The following SCN10A variants were observed in gnomAD, a reference collection of about 807,000 sequenced individuals.
The protein encoded by SCN10A is sodium channel protein type 10 subunit alpha.
In SCN10A, 162 loss-of-function variants were observed where a neutral mutation model predicts 170.7. The observed-to-expected ratio is 0.95, with a 90% CI of 0.84 to 1.08. The LOEUF (loss-of-function observed/expected upper bound fraction) is 1.08. SCN10A is among the 50% of genes least tolerant of loss of function. SCN10A has a pLI of 0.00. For missense variants in SCN10A, 2,527 were observed against 2,436.9 expected (o/e 1.04, Z -0.78); for synonymous variants, 985 against 904.6 (o/e 1.09, Z -1.59).
At chr3:38,769,669 T>G (rs1332103766) in intron 5 of SCN10A, among the ~76,000 whole-genome samples, 1 of 152,212 alleles carries the variant, frequency 6.6e-6, no homozygotes, top group Non-Finnish European at 1.5e-5. Context: ...CTTTTCTGGT[T>G]CCTTCTCATT....
chr3:38,756,675 T>G lies in SCN10A; in HGVS notation c.1289A>C (p.Glu430Ala), dbSNP rs776744339. ...ACAAAGCTTCCACTCCTCACAAACC[T>G]CCTGCTCCTTCCGGAGCATCTCGAG... ...EALEMLRKEQ[E>A]VLAALGIDTT... Residue 430 changes from glutamate (E) to alanine (A), a missense_variant and splice_region_variant, in exon 10 of 28, where the codon GAG (glutamate) becomes GCG (alanine). By Grantham distance (107) the Glu-to-Ala change is moderately radical. Coordinates refer to ENST00000449082, the MANE Select transcript of SCN10A (RefSeq NM_006514.4). 6.2e-7 allele frequency: 1 copy of G among 1,612,380 alleles called. No individual in the cohort carries two copies. The highest frequency in any genetic ancestry group is 8.5e-7 in the Non-Finnish European group (1 of 1,179,038).
intron 23 of SCN10A, among the ~76,000 whole-genome samples, chr3:38,711,700 G>T (rs1349707918): frequency 2.0e-5 from 3 of 152,206 alleles, no homozygotes; most frequent in Non-Finnish European, 4.4e-5. Context: ...ATGAAGGCAA[G>T]AAATGAGTGA....
Position 38,750,108 on chromosome 3 carries a change from A to G in SCN10A, c.1832T>C (p.Met611Thr). 3.7e-6 allele frequency: 6 copies of G among 1,612,640 alleles called. No individual in the cohort carries two copies. Among genetic ancestry groups the G allele is most frequent in the Non-Finnish European group, 5.1e-6 (6 of 1,178,846 alleles). ...LDEPFRAQRA[M>T]SVVSIITSVL... ...GGAGGTTATGATACTGACAACACTC[A>G]TTGCCCTTTGGGCCCGGAAAGGTTC... The change falls in exon 13 of 28, where the codon ATG becomes ACG. Residue 611 changes from methionine to threonine, a missense_variant. Transcript: ENST00000449082.
At chr3:38,710,947 T>C (rs761840011) in intron 23 of SCN10A, 50 bp from the exon 24 acceptor site, 1 of 1,528,650 alleles carries the variant, frequency 6.5e-7, no homozygotes, top group Non-Finnish European at 9.0e-7. Context: ...CCATCTATAC[T>C]GGACCCTTCC....
intron 26 of SCN10A, among the ~76,000 whole-genome samples, chr3:38,704,284 A>G (rs2063186672): frequency 6.6e-6 from 1 of 152,212 alleles, no homozygotes; most frequent in African/African-American, 2.4e-5. Flanking sequence ...GCTGGCTCAC[A>G]TCTTTCCTGG....
At chr3:38,764,336 A>C (rs1292711119) in intron 5 of SCN10A, among the ~76,000 whole-genome samples, 5 of 152,122 alleles carry the variant, frequency 3.3e-5, no homozygotes, top group African/African-American at 1.2e-4. Context: ...TGTACACTGT[A>C]CCCAGTGTGT....
chr3:38,749,831 A>G (rs1212857492), intron 13 of SCN10A, among the ~76,000 whole-genome samples: 1 of 152,254 alleles, frequency 6.6e-6, no homozygotes, highest in East Asian at 1.9e-4. Flanking sequence ...GCAGATGCTA[A>G]TTTGAACAAG....
rs991972838 is a variant in SCN10A at position 38,708,180 on chromosome 3, G to A, written c.4282-797C>T. Among the ~76,000 whole-genome samples the A allele has an allele frequency of 5.3e-5, 8 of 152,256 alleles. No homozygotes were observed. The East Asian group carries it at 1.2e-3, about 22-fold the overall frequency. On this transcript the variant is annotated intron_variant, in intron 25 of 27. Transcript: ENST00000449082. Reference sequence around the variant, plus strand: ...ATCTGAGAAGATCTGTGGACACAAAGGGCTTCCTGGGAGGACCATCTTTAT... The same window carrying A: ...ATCTGAGAAGATCTGTGGACACAAAAGGCTTCCTGGGAGGACCATCTTTAT...
chr3:38,813,742 A>T (rs1340056682), intron 1 of SCN10A, among the ~76,000 whole-genome samples: 1 of 152,228 alleles, frequency 6.6e-6, no homozygotes, highest in East Asian at 1.9e-4. Context: ...AAGAAGAGTG[A>T]CCATGGGATC....
intron 15 of SCN10A, among the ~76,000 whole-genome samples, chr3:38,729,798 C>T (rs2063496548): frequency 6.6e-6 from 1 of 152,228 alleles, no homozygotes; most frequent in East Asian, 1.9e-4. Flanking sequence ...CAGGCTGTGG[C>T]TTAGGTGCTA....
intron 23 of SCN10A, among the ~76,000 whole-genome samples, chr3:38,711,508 C>A (rs936916927): frequency 1.3e-5 from 2 of 152,190 alleles, no homozygotes; most frequent in African/African-American, 2.4e-5. Context: ...AAGCCCAGTT[C>A]TGACTGTATC....
At chr3:38,811,950 C>A (rs930719152) in intron 1 of SCN10A, among the ~76,000 whole-genome samples, 17 of 152,182 alleles carry the variant, frequency 1.1e-4, no homozygotes, top group African/African-American at 4.1e-4. Flanking sequence ...CCCGAGCCCC[C>A]TGCCGCTCAC....
At chr3:38,790,167 G>A (rs565360656) in intron 3 of SCN10A, among the ~76,000 whole-genome samples, 20 of 152,046 alleles carry the variant, frequency 1.3e-4, no homozygotes, top group African/African-American at 4.3e-4. Flanking sequence ...AACTAAAATC[G>A]TGTCTCCAAT....
chr3:38,742,241 C>G, intron 14 of SCN10A, 50 bp downstream of exon 14: 1 of 1,421,826 alleles, frequency 7.0e-7, no homozygotes, highest in South Asian at 1.2e-5. Context: ...CCATCATCCC[C>G]ACCCCGCCCC....
chr3:38,765,998 T>C (rs1046179006), intron 5 of SCN10A, among the ~76,000 whole-genome samples: 1 of 151,932 alleles, frequency 6.6e-6, no homozygotes, highest in African/African-American at 2.4e-5. Flanking sequence ...TTGCAGCTGT[T>C]GTAAAAGGGA....
chr3:38,784,657 A>C (rs2064177154), intron 4 of SCN10A, among the ~76,000 whole-genome samples: 1 of 152,184 alleles, frequency 6.6e-6, no homozygotes, highest in African/African-American at 2.4e-5. Flanking sequence ...GAAAGAAATA[A>C]GGGGTATTCA....
chr3:38,699,803 C>T (rs1434160555), intron 27 of SCN10A, among the ~76,000 whole-genome samples: 2 of 152,032 alleles, frequency 1.3e-5, no homozygotes, highest in African/African-American at 2.4e-5. Flanking sequence ...AATGGTTCCT[C>T]GTACTTGTAA....
chr3:38,780,765 G>A (rs1173710111), intron 4 of SCN10A, among the ~76,000 whole-genome samples: 1 of 152,020 alleles, frequency 6.6e-6, no homozygotes, highest in Non-Finnish European at 1.5e-5. Flanking sequence ...GTTCAAAATG[G>A]GTTGTAAAGC....
intron 20 of SCN10A, 112 bp from the exon 21 acceptor site, chr3:38,718,938 T>G: frequency 1.0e-6 from 1 of 989,054 alleles, no homozygotes; most frequent in Non-Finnish European, 1.5e-6. Context: ...GGAAGGGGAT[T>G]TGGTAGTCAG....
Sources: allele counts gnomAD v4.1 joint callset (sites outside exome capture counted in the v4.1 genomes callset), GRCh38; gene constraint gnomAD v4.1.1; transcripts MANE v1.5; gene names NCBI Gene and HGNC (gene_info 2026-07-23, HGNC 2026-07-21).